Variants in TTF1 observed in about 807,000 individuals in gnomAD.
TTF1 encodes transcription termination factor, RNA polymerase I.
In TTF1, 64 loss-of-function variants were observed where a neutral mutation model predicts 80.2. The ratio of observed to expected loss-of-function variants is 0.80; its 90% CI spans 0.65 to 0.98. The LOEUF (loss-of-function observed/expected upper bound fraction) is 0.98. Ranked by LOEUF, TTF1 falls within the 50% of genes least tolerant of loss-of-function variation. The probability of loss-of-function intolerance (pLI) is 0.00; values close to 1 mark genes in which losing one functional copy is unlikely to be tolerated. For missense variants in TTF1, 1,023 were observed against 1,086.2 expected, an observed-to-expected ratio of 0.94 and a Z score of 0.82; for synonymous variants, 372 against 382.7, an observed-to-expected ratio of 0.97 and a Z score of 0.33.
Position 132,405,682 on chromosome 9 carries a change from C to T in TTF1, c.-8+1108G>A, listed in dbSNP as rs115990990. ...GTTATTCTTAAGATAAAGTCAAAATCCTCACAGACCTGCAAGAGTCTTCAT... is the reference window on the plus strand; with the variant it reads ...GTTATTCTTAAGATAAAGTCAAAATTCTCACAGACCTGCAAGAGTCTTCAT... On this transcript the variant is annotated intron_variant, in intron 1 of 10. Transcript: ENST00000334270. Among the ~76,000 whole-genome samples the T allele has an allele frequency of 3.1e-3, 475 of 152,342 alleles. 2 individuals carry two copies. Among genetic ancestry groups the T allele is most frequent in the African/African-American group, 0.011 (461 of 41,580 alleles).
Position 132,375,848 on chromosome 9 carries a change from A to G in TTF1, c.*67T>C. On this transcript the variant is annotated 3_prime_UTR_variant, in exon 11 of 11. Coordinates refer to ENST00000334270, the MANE Select transcript of TTF1 (RefSeq NM_007344.4). ...CAGGTGTGCACTACCACACCCGGCT[A>G]ATTTTTGCATTTTTAATAGTGACAG... 1.0e-6 allele frequency: 1 copy of G among 986,184 alleles called. No individual in the cohort carries two copies. Among genetic ancestry groups the G allele is most frequent in the Non-Finnish European group, 1.5e-6 (1 of 665,256 alleles). The allele number at this position is 986,184 out of a possible 1,614,324, so 61.1% of individuals were successfully genotyped here.
chr9:132,378,971 G>C (rs1313323207), intron 10 of TTF1, 88 bp downstream of exon 10: 1 of 964,956 alleles, frequency 1.0e-6, no homozygotes, highest in Non-Finnish European at 1.5e-6. Context: ...GAGGCTCTAA[G>C]TCCAGTCACC....
intron 10 of TTF1, among the ~76,000 whole-genome samples, chr9:132,377,179 G>A (rs1034680520): frequency 6.9e-6 from 1 of 145,358 alleles, no homozygotes; most frequent in Admixed American, 6.7e-5. Context: ...TGCATGTGGT[G>A]TGTGAGTGCA....
chr9:132,401,263 G>A (rs756398914), intron 2 of TTF1, among the ~76,000 whole-genome samples, 192 bp downstream of exon 2: 1 of 151,758 alleles, frequency 6.6e-6, no homozygotes, highest in Non-Finnish European at 1.5e-5. Context: ...GAAGTGGAGG[G>A]TGCGGTAAGC....
chr9:132,389,878 C>T (rs756361804), intron 7 of TTF1, among the ~76,000 whole-genome samples: 4 of 152,172 alleles, frequency 2.6e-5, no homozygotes, highest in African/African-American at 7.2e-5. Context: ...TCTGAGGAAC[C>T]GCAGAAGCAG....
chr9:132,403,575 G>A (rs1849808598), intron 1 of TTF1, among the ~76,000 whole-genome samples: 1 of 151,718 alleles, frequency 6.6e-6, no homozygotes, highest in African/African-American at 2.4e-5. Flanking sequence ...AGTTTTCCCT[G>A]ATTCCTTGGG....
Position 132,375,929 on chromosome 9 carries a change from G to A in TTF1, c.2704C>T (p.Arg902Trp), listed in dbSNP as rs773873964. 37 of 1,585,166 alleles carry A rather than the reference G, an allele frequency of 2.3e-5. No individual in the cohort carries two copies. The highest frequency in any genetic ancestry group is 3.5e-5 in the Admixed American group (2 of 57,412). ...AACTCCTGACCTCAGATGATCCACCGGCCTTGGCCTCCCAAAGTACTGGAA... is the reference window on the plus strand; with the variant it reads ...AACTCCTGACCTCAGATGATCCACCAGCCTTGGCCTCCCAAAGTACTGGAA... ...CNSSTLGGQG[R>W]WII Residue 902 changes from arginine (R) to tryptophan (W), a missense_variant, in exon 11 of 11, where the codon CGG becomes TGG. By Grantham distance (101) the Arg-to-Trp change is moderately radical. Coordinates refer to ENST00000334270, the MANE Select transcript of TTF1 (RefSeq NM_007344.4).
chr9:132,378,692 G>GTGCA (rs1849310164), intron 10 of TTF1, among the ~76,000 whole-genome samples: 56 of 140,166 alleles, frequency 4.0e-4, no homozygotes, highest in African/African-American at 1.5e-3. Context: ...GTGTGTGTGA[G>GTGCA]TGCATGTGGT....
At position 132,375,990 on chromosome 9, in the gene TTF1, G is replaced by A. The variant is rs147089074; in HGVS notation, c.2643C>T (p.Ser881=). The A allele has an allele frequency of 5.9e-5, 96 of 1,613,734 alleles. No homozygotes were observed. The highest frequency in any genetic ancestry group is 3.0e-4 in the Admixed American group (18 of 59,998). Reference sequence around the variant, plus strand: ...GAGCCATGCATGGCGCCTGGCCTTCGCTTTCTTTTTCTATGTCCTCTCCTT... The same window carrying A: ...GAGCCATGCATGGCGCCTGGCCTTCACTTTCTTTTTCTATGTCCTCTCCTT... ...DSEGEDIEKE[S]EGQAPCMAHA... Residue 881 remains serine, a synonymous_variant, in exon 11 of 11, where the codon AGC becomes AGT. Transcript: ENST00000334270.
At position 132,401,731 on chromosome 9, in the gene TTF1, C is replaced by A; in HGVS notation, c.1091G>T (p.Gly364Val). Residue 364 changes from glycine to valine, a missense_variant, in exon 2 of 11, where the codon GGC becomes GTC. Coordinates refer to ENST00000334270, the MANE Select transcript of TTF1 (RefSeq NM_007344.4). The part of the protein sequence containing the change: ...ESAYPEGSQV[G>V]SEVGTVEGST... ...GCCTTCCACAGTCCCAACCTCACTG[C>A]CCACCTGTGATCCTTCAGGGTATGC... The A allele has an allele frequency of 1.2e-6, 2 of 1,614,250 alleles. No individual in the cohort carries two copies. The highest frequency in any genetic ancestry group is 1.7e-6 in the Non-Finnish European group (2 of 1,180,050).
chr9:132,388,146 T>C lies in TTF1; in HGVS notation c.2305A>G (p.Ile769Val). 3 of 1,610,592 alleles carry C rather than the reference T, an allele frequency of 1.9e-6. No individual in the cohort carries two copies. The highest frequency in any genetic ancestry group is 1.7e-6 in the Non-Finnish European group (2 of 1,177,694). The change falls in exon 8 of 11, where the codon ATT becomes GTT. Residue 769 changes from isoleucine to valine, a missense_variant. Ile to Val is a conservative substitution (Grantham distance 29). Coordinates refer to ENST00000334270, the MANE Select transcript of TTF1 (RefSeq NM_007344.4). ...CGTTTCTATTTTTCATACCTTTCAA[T>C]AAGGCTGACCTTGGCCCGCAGGGCA... Reference protein sequence around the residue: ...MNALRAKVSLIERLYEINVED... With the variant: ...MNALRAKVSLVERLYEINVED...
At chr9:132,399,968 A>G in intron 3 of TTF1, 67 bp downstream of exon 3, 1 of 1,508,616 alleles carries the variant, frequency 6.6e-7, no homozygotes, top group Non-Finnish European at 9.2e-7. Context: ...AATCATCCAT[A>G]AAAGAAAGTT....
intron 10 of TTF1, among the ~76,000 whole-genome samples, chr9:132,377,392 G>GGTGC (rs1849216272): frequency 8.2e-6 from 1 of 122,196 alleles, no homozygotes; most frequent in Non-Finnish European, 1.7e-5. Flanking sequence ...GAGTGCATGT[G>GGTGC]GTGTGAGTGC....
At chr9:132,391,236 A>G (rs960873752) in intron 6 of TTF1, among the ~76,000 whole-genome samples, 5 of 152,178 alleles carry the variant, frequency 3.3e-5, no homozygotes, top group Admixed American at 3.3e-4. Flanking sequence ...ATAAATAGCT[A>G]CACTGATACC....
chr9:132,402,696 C>G lies in TTF1; in HGVS notation c.126G>C (p.Leu42=). ...TAGTTATTTGAGACTGTTCATTCAC[C>G]AGGGAGGAGTCTCTGAAAATTTCGT... ...HSHEIFRDSS[L]VNEQSQITRR... Residue 42 remains leucine, a synonymous_variant, in exon 2 of 11, where the codon CTG becomes CTC. Transcript: ENST00000334270. 6.2e-7 allele frequency: 1 copy of G among 1,614,064 alleles called. No homozygotes were observed. Among genetic ancestry groups the G allele is most frequent in the East Asian group, 2.2e-5 (1 of 44,880 alleles).
intron 1 of TTF1, among the ~76,000 whole-genome samples, chr9:132,403,474 C>T (rs1263904153): frequency 6.6e-6 from 1 of 152,014 alleles, no homozygotes; most frequent in African/African-American, 2.4e-5. Flanking sequence ...CTTTCCCCCC[C>T]AGCTCTCCAT....
At chr9:132,395,403 A>G (rs1343924113) in intron 5 of TTF1, among the ~76,000 whole-genome samples, 1 of 152,162 alleles carries the variant, frequency 6.6e-6, no homozygotes, top group Non-Finnish European at 1.5e-5. Flanking sequence ...TACTCTAAAA[A>G]TTTCATTCCT....
rs144808725 is a variant in TTF1 at position 132,388,622 on chromosome 9, T to A, written c.2223-394A>T. 5.8e-3 allele frequency among the ~76,000 whole-genome samples: 883 copies of A among 152,320 alleles called. 9 individuals carry two copies. Among genetic ancestry groups the A allele is most frequent in the African/African-American group, 0.02 (817 of 41,570 alleles). ...TCCCAAAGTGCTGGGATTACAGACA[T>A]GAGCCACAGTACCTGGACCTCAATG... On this transcript the variant is annotated intron_variant, in intron 7 of 10. Transcript: ENST00000334270.
chr9:132,386,745 T>TA, intron 8 of TTF1, 124 bp from the exon 9 acceptor site: 1 of 733,946 alleles, frequency 1.4e-6, no homozygotes, highest in South Asian at 1.7e-5. Context: ...GCTCCCTCGT[T>TA]ACACATGCAC....
Sources: allele counts gnomAD v4.1 joint callset (sites outside exome capture counted in the v4.1 genomes callset), GRCh38; gene constraint gnomAD v4.1.1; transcripts MANE v1.5; gene names NCBI Gene and HGNC (gene_info 2026-07-23, HGNC 2026-07-21).